The following SEC23A variants were observed in gnomAD, a reference collection of about 807,000 sequenced individuals.
SEC23A encodes the protein protein transport protein Sec23A.
SEC23A carries 56 observed loss-of-function variants against 103.7 expected under a neutral mutation model. The observed-to-expected ratio is 0.54, with a 90% CI of 0.44 to 0.67. SEC23A has a LOEUF of 0.67. Ranked by LOEUF, SEC23A falls within the 30% of genes least tolerant of loss-of-function variation. The pLI is 0.00. For synonymous variants in SEC23A, 281 were observed against 293.0 expected (o/e 0.96, Z 0.42); for missense variants, 784 against 936.4 (o/e 0.84, Z 2.12).
intron 15 of SEC23A, among the ~76,000 whole-genome samples, chr14:39,045,692 C>CA (rs1885806498): frequency 6.6e-6 from 1 of 152,018 alleles, no homozygotes. Flanking sequence ...AGGAAAAAAA[C>CA]AAAAAGACAA....
intron 5 of SEC23A, chr14:39,087,457 G>A: frequency 5.4e-6 from 1 of 185,002 alleles, no homozygotes; most frequent in South Asian, 1.1e-4. Flanking sequence ...CAAATCAACA[G>A]ATAAATAAAT....
intron 7 of SEC23A, among the ~76,000 whole-genome samples, chr14:39,081,652 G>A (rs796448930): frequency 6.6e-6 from 1 of 152,246 alleles, no homozygotes; most frequent in African/African-American, 2.4e-5. Context: ...ACGGGAGCAG[G>A]TTTCTCATAG....
chr14:39,093,269 A>C (rs924762580), intron 2 of SEC23A, 25 bp from the exon 3 acceptor site: 1 of 1,573,610 alleles, frequency 6.4e-7, no homozygotes, highest in Non-Finnish European at 8.7e-7. Flanking sequence ...AAGAAAAGAC[A>C]TATCAGTTCA....
rs1886195681 is a variant in SEC23A, at chr14:39,055,084, A to C, written c.1659+59T>G. On this transcript the variant is annotated intron_variant, in intron 14 of 19. Transcript: ENST00000307712. The stretch of plus-strand genomic sequence containing the variant: ...TACTTTGAAAGAGATTATCTGCAAC[A>C]AACATTTACTACAAATGAAAGCATA... The C allele has an allele frequency of 4.4e-6, 7 of 1,598,610 alleles. No individual in the cohort carries two copies. The East Asian group carries it at 1.3e-4, about 31-fold the overall frequency.
At position 39,037,556 on chromosome 14, in the gene SEC23A, G is replaced by A. The variant is rs572212280; in HGVS notation, c.2208+1475C>T. On this transcript the variant is annotated intron_variant, in intron 19 of 19. Coordinates refer to ENST00000307712, the MANE Select transcript of SEC23A (RefSeq NM_006364.4). ...TTCTTCTTTTTGTTGAATAACTTCTGGAAGTTGAAGCCATCATGACATTTT... is the reference window on the plus strand; with the variant it reads ...TTCTTCTTTTTGTTGAATAACTTCTAGAAGTTGAAGCCATCATGACATTTT... Among the ~76,000 whole-genome samples, 73 of 152,114 alleles carry A rather than the reference G, an allele frequency of 4.8e-4. 1 individual carries two copies. Among genetic ancestry groups the A allele is most frequent in the Non-Finnish European group, 1.9e-4 (13 of 67,996 alleles).
At chr14:39,052,641 G>C (rs139916453) in intron 14 of SEC23A, among the ~76,000 whole-genome samples, 191 of 152,222 alleles carry the variant, frequency 1.3e-3, no homozygotes, top group African/African-American at 4.5e-3. Flanking sequence ...CAAGCAAAAG[G>C]TGCTGATTAC....
rs1886198406 is a variant in SEC23A at position 39,055,155 on chromosome 14, C to G, written c.1647G>C (p.Gln549His). 1 of 1,614,136 alleles carries G rather than the reference C, an allele frequency of 6.2e-7. No homozygotes were observed. Among genetic ancestry groups the G allele is most frequent in the Non-Finnish European group, 8.5e-7 (1 of 1,179,986 alleles). The change falls in exon 14 of 20, where the codon CAG becomes CAC. Residue 549 changes from glutamine to histidine, a missense_variant. By Grantham distance (24) the Gln-to-His change is conservative. Coordinates refer to ENST00000307712, the MANE Select transcript of SEC23A (RefSeq NM_006364.4). ...GPDVLRWLDR[Q>H]LIRLCQKFGE... is the part of the protein sequence containing the mutation. ...GTTTATTTCTTACCAGTCGAATGAG[C>G]TGTCTGTCCAGCCACCTAAGCACAT...
chr14:39,049,921 G>A (rs959123099), intron 14 of SEC23A, among the ~76,000 whole-genome samples: 2 of 151,386 alleles, frequency 1.3e-5, no homozygotes, highest in Non-Finnish European at 2.9e-5. Flanking sequence ...GGCATCCGCC[G>A]CCACGCCCAG....
At chr14:39,068,793 G>A (rs528366434) in intron 9 of SEC23A, among the ~76,000 whole-genome samples, 45 of 152,186 alleles carry the variant, frequency 3.0e-4, no homozygotes, top group African/African-American at 9.9e-4. Flanking sequence ...ATTAAAATAG[G>A]CAAAAGAATA....
intron 14 of SEC23A, among the ~76,000 whole-genome samples, chr14:39,054,893 G>T (rs907679621): frequency 9.2e-5 from 14 of 152,100 alleles, no homozygotes; most frequent in Non-Finnish European, 1.9e-4. Flanking sequence ...CAGCCAATAA[G>T]AATAGAAAAA....
At chr14:39,054,219 G>A (rs1197044279) in intron 14 of SEC23A, among the ~76,000 whole-genome samples, 1 of 151,596 alleles carries the variant, frequency 6.6e-6, no homozygotes, top group Non-Finnish European at 1.5e-5. Flanking sequence ...AGGCTATGAT[G>A]AGCCATGATC....
chr14:39,100,468 A>G (rs1888046630), intron 1 of SEC23A, among the ~76,000 whole-genome samples: 1 of 149,590 alleles, frequency 6.7e-6, no homozygotes, highest in African/African-American at 2.5e-5. Flanking sequence ...GCTGGAGTGC[A>G]ATGGCGTGAT....
intron 6 of SEC23A, 34 bp downstream of exon 6, chr14:39,086,895 G>C: frequency 7.7e-7 from 1 of 1,295,858 alleles, no homozygotes; most frequent in Non-Finnish European, 1.1e-6. Flanking sequence ...AATAGCTACA[G>C]AAACGGTCAA....
intron 9 of SEC23A, among the ~76,000 whole-genome samples, chr14:39,072,276 G>A (rs1886866270): frequency 6.6e-6 from 1 of 151,624 alleles, no homozygotes; most frequent in Non-Finnish European, 1.5e-5. Context: ...GAAAATATCT[G>A]TAAGTCATAT....
intron 1 of SEC23A, among the ~76,000 whole-genome samples, chr14:39,100,956 G>T (rs1418699589): frequency 1.3e-5 from 2 of 151,402 alleles, no homozygotes; most frequent in Admixed American, 6.6e-5. Flanking sequence ...CGATTCTCCC[G>T]CCTCAGCCTC....
chr14:39,035,131 T>C (rs984625301), intron 19 of SEC23A, among the ~76,000 whole-genome samples: 1 of 152,206 alleles, frequency 6.6e-6, no homozygotes, highest in African/African-American at 2.4e-5. Flanking sequence ...ACTTAATCTA[T>C]ATGAGCCTCA....
chr14:39,091,669 A>G lies in SEC23A; in HGVS notation c.411T>C (p.Thr137=). 6.2e-7 allele frequency: 1 copy of G among 1,614,060 alleles called. No homozygotes were observed. Among genetic ancestry groups the G allele is most frequent in the Non-Finnish European group, 8.5e-7 (1 of 1,179,956 alleles). ...MPLIFLYVVD[T]CMEDEDLQAL... is the part of the protein sequence containing the mutation. The stretch of plus-strand genomic sequence containing the variant: ...CTTGTAAATCTTCATCTTCCATGCA[A>G]GTATCAACCACATAGAGGAATATCA... The change falls in exon 5 of 20, where the codon ACT becomes ACC. Residue 137 remains threonine (T), a synonymous_variant. Coordinates refer to ENST00000307712, the MANE Select transcript of SEC23A (RefSeq NM_006364.4).
chr14:39,102,910 G>T (rs1398577243), intron 1 of SEC23A, 122 bp downstream of exon 1: 1 of 152,500 alleles, frequency 6.6e-6, no homozygotes, highest in Non-Finnish European at 1.5e-5. Context: ...GCGCCGGACC[G>T]GGCCTCAGCC....
chr14:39,072,824 T>G (rs1886884603), intron 9 of SEC23A, among the ~76,000 whole-genome samples: 1 of 151,930 alleles, frequency 6.6e-6, no homozygotes. Context: ...AAAAAATTAA[T>G]TAAAATACAG....
Sources: allele counts gnomAD v4.1 joint callset (sites outside exome capture counted in the v4.1 genomes callset), GRCh38; gene constraint gnomAD v4.1.1; transcripts MANE v1.5; gene names NCBI Gene and HGNC (gene_info 2026-07-23, HGNC 2026-07-21).